Variants in GRID1 observed in about 807,000 individuals in gnomAD.
The protein encoded by GRID1 is glutamate receptor ionotropic, delta-1.
GRID1 carries 28 observed loss-of-function variants against 98.0 expected under a neutral mutation model. The observed-to-expected ratio is 0.29, with a 90% confidence interval of 0.21 to 0.39. The LOEUF (loss-of-function observed/expected upper bound fraction) is 0.39, where lower values mean the gene tolerates loss of function less well. GRID1 is among the 10% of genes least tolerant of loss of function. The pLI is 1.00. For synonymous variants in GRID1, 553 were observed against 538.5 expected (o/e 1.03, Z -0.37); for missense variants, 1,111 against 1,340.5 (o/e 0.83, Z 2.67).
At chr10:85,849,371 G>A (rs1009729044) in intron 8 of GRID1, among the ~76,000 whole-genome samples, 2 of 152,162 alleles carry the variant, frequency 1.3e-5, no homozygotes, top group African/African-American at 4.8e-5. Context: ...CCCATCCAAA[G>A]CCAGCTTTTA....
At chr10:86,182,028 G>A (rs557096647) in intron 3 of GRID1, among the ~76,000 whole-genome samples, 3 of 152,320 alleles carry the variant, frequency 2.0e-5, no homozygotes, top group African/African-American at 4.8e-5. Context: ...AAAAAGTGAA[G>A]TGGGCTTCTT....
intron 5 of GRID1, among the ~76,000 whole-genome samples, chr10:85,873,330 G>A (rs1843297378): frequency 6.6e-6 from 1 of 152,218 alleles, no homozygotes; most frequent in Non-Finnish European, 1.5e-5. Flanking sequence ...ATGAGCAGAA[G>A]AAGCAAGATA....
At chr10:85,612,813 G>A (rs560840874) in intron 15 of GRID1, among the ~76,000 whole-genome samples, 2 of 152,182 alleles carry the variant, frequency 1.3e-5, no homozygotes, top group South Asian at 2.1e-4. Context: ...GAATCAGTTT[G>A]CAGTTGGCAC....
intron 4 of GRID1, among the ~76,000 whole-genome samples, chr10:86,128,622 TAACGGCCCACC>T (rs1269913160): frequency 1.3e-5 from 2 of 152,134 alleles, no homozygotes; most frequent in Non-Finnish European, 2.9e-5. Flanking sequence ...ACACGCCTGG[TAACGGCCCACC>T]AACCTTGCCA....
At chr10:86,176,710 T>C (rs1845580454) in intron 3 of GRID1, among the ~76,000 whole-genome samples, 1 of 152,198 alleles carries the variant, frequency 6.6e-6, no homozygotes. Flanking sequence ...CCAAGTCTCC[T>C]CTGGTGACCA....
Position 85,865,932 on chromosome 10 carries a change from T to TAC in GRID1, c.951+3077_951+3078insGT, listed in dbSNP as rs1564613262. ...ATATACATATATATATATATATATA[T>TAC]ATATATATATACACATATATATGGA... is the stretch of plus-strand genomic sequence containing the variant. On this transcript the variant is annotated intron_variant, in intron 6 of 15. Transcript: ENST00000327946. 8.5e-4 allele frequency among the ~76,000 whole-genome samples: 97 copies of TAC among 114,152 alleles called. 1 individual carries two copies. Among genetic ancestry groups the TAC allele is most frequent in the East Asian group, 5.3e-3 (18 of 3,428 alleles). 74.9% of individuals were successfully genotyped at this position (114,152 alleles called of 152,430 possible).
At chr10:85,704,782 G>A (rs1166628582) in intron 12 of GRID1, among the ~76,000 whole-genome samples, 2 of 152,196 alleles carry the variant, frequency 1.3e-5, no homozygotes, top group East Asian at 3.8e-4. Context: ...TCAGACCACA[G>A]TGCAATCAAA....
intron 4 of GRID1, among the ~76,000 whole-genome samples, chr10:86,046,027 G>A (rs896670971): frequency 5.9e-5 from 9 of 152,226 alleles, no homozygotes; most frequent in South Asian, 2.1e-4. Context: ...CTCAGACACC[G>A]GACCAAATTG....
At chr10:86,221,953 G>A (rs1378355272) in intron 2 of GRID1, among the ~76,000 whole-genome samples, 1 of 152,046 alleles carries the variant, frequency 6.6e-6, no homozygotes, top group Non-Finnish European at 1.5e-5. Context: ...AGGGCAGGGG[G>A]TGGGAGGCAG....
chr10:86,082,501 C>T (rs993082686), intron 4 of GRID1, among the ~76,000 whole-genome samples: 1 of 152,206 alleles, frequency 6.6e-6, no homozygotes, highest in African/African-American at 2.4e-5. Context: ...CATCATCTCT[C>T]ACCTGGGCCA....
At chr10:85,828,348 C>T (rs1407293393) in intron 8 of GRID1, among the ~76,000 whole-genome samples, 1 of 151,618 alleles carries the variant, frequency 6.6e-6, no homozygotes, top group African/African-American at 2.4e-5. Context: ...AGAAAGATCT[C>T]GAATGAACAA....
chr10:86,253,294 T>G (rs943427338), intron 2 of GRID1, among the ~76,000 whole-genome samples: 1 of 152,188 alleles, frequency 6.6e-6, no homozygotes, highest in Non-Finnish European at 1.5e-5. Context: ...AGAACTGTTT[T>G]CCCCACAGGC....
chr10:85,611,745 T>G (rs1354761321), intron 15 of GRID1, among the ~76,000 whole-genome samples: 1 of 152,164 alleles, frequency 6.6e-6, no homozygotes, highest in Non-Finnish European at 1.5e-5. Context: ...ACACTGGTCA[T>G]GGCGTGGAGG....
At chr10:85,737,830 C>T (rs1229730745) in intron 8 of GRID1, among the ~76,000 whole-genome samples, 1 of 150,778 alleles carries the variant, frequency 6.6e-6, no homozygotes, top group Non-Finnish European at 1.5e-5. Context: ...AATTGCAAAA[C>T]CACCCTTTGA....
chr10:86,153,166 G>A (rs1845194201), intron 3 of GRID1, among the ~76,000 whole-genome samples: 1 of 152,082 alleles, frequency 6.6e-6, no homozygotes, highest in Admixed American at 6.5e-5. Flanking sequence ...GGTGGCATCT[G>A]GGACTCCACC....
intron 4 of GRID1, among the ~76,000 whole-genome samples, chr10:86,107,510 A>G (rs1449747343): frequency 1.3e-5 from 2 of 152,230 alleles, no homozygotes; most frequent in Non-Finnish European, 2.9e-5. Context: ...AGAATGGGGG[A>G]AGGGAAGGGT....
At chr10:85,752,420 T>A (rs115295979) in intron 8 of GRID1, among the ~76,000 whole-genome samples, 108 of 152,296 alleles carry the variant, frequency 7.1e-4, no homozygotes, top group African/African-American at 2.6e-3. Context: ...CGACTGCTTA[T>A]TTACAAATGA....
intron 14 of GRID1, among the ~76,000 whole-genome samples, chr10:85,618,556 A>G (rs924682570): frequency 1.3e-5 from 2 of 152,120 alleles, no homozygotes; most frequent in African/African-American, 2.4e-5. Flanking sequence ...AAGAATGTAT[A>G]CTTGATTAAA....
At chr10:86,187,568 C>T (rs1429679857) in intron 3 of GRID1, among the ~76,000 whole-genome samples, 1 of 152,190 alleles carries the variant, frequency 6.6e-6, no homozygotes, top group East Asian at 1.9e-4. Flanking sequence ...ATGTGAGATT[C>T]CCAGGAGCAG....
Sources: allele counts gnomAD v4.1 joint callset (sites outside exome capture counted in the v4.1 genomes callset), GRCh38; gene constraint gnomAD v4.1.1; transcripts MANE v1.5; gene names NCBI Gene and HGNC (gene_info 2026-07-23, HGNC 2026-07-21).